Variants in HERC2 observed in about 807,000 individuals in gnomAD.
HERC2 encodes the protein HECT and RLD domain containing E3 ubiquitin protein ligase 2.
HERC2 carries 102 observed loss-of-function variants against 537.7 expected under a neutral mutation model. The ratio of observed to expected loss-of-function variants is 0.19; its 90% CI spans 0.16 to 0.22. HERC2 has a LOEUF of 0.22. HERC2 is among the 10% of genes least tolerant of loss of function. The pLI, the probability that HERC2 is intolerant of heterozygous loss-of-function variation, is 1.00. For synonymous variants in HERC2, 2,224 were observed against 2,466.2 expected, an observed-to-expected ratio of 0.90 and a Z score of 2.91; for missense variants, 4,236 against 6,198.2, an observed-to-expected ratio of 0.68 and a Z score of 10.63.
At position 28,272,237 on chromosome 15, in the gene HERC2, G is replaced by A. The variant is rs773922537; in HGVS notation, c.1061C>T (p.Pro354Leu). The change falls in exon 9 of 93, where the codon CCC (proline) becomes CTC (leucine). Residue 354 changes from proline to leucine, a missense_variant. This residue lies in a region of HERC2 where 491 missense variants were observed against 559.3 expected (regional missense o/e 0.88). Coordinates refer to ENST00000261609, the MANE Select transcript of HERC2 (RefSeq NM_004667.6). Reference sequence around the variant, plus strand: ...CACGTGCATGTCGCCCTCGGAGTGGGGTGCATCCTTCCTGCAAATGATGCT... The same window carrying A: ...CACGTGCATGTCGCCCTCGGAGTGGAGTGCATCCTTCCTGCAAATGATGCT... ...FQSIICRKDA[P>L]HSEGDMHLLS... 17 of 1,608,944 alleles carry A rather than the reference G, an allele frequency of 1.1e-5. No homozygotes were observed. The South Asian group carries it at 1.8e-4, about 17-fold the overall frequency.
At chr15:28,136,537 G>C (rs1402849273) in intron 78 of HERC2, among the ~76,000 whole-genome samples, 2 of 152,206 alleles carry the variant, frequency 1.3e-5, no homozygotes, top group East Asian at 1.9e-4. Context: ...TGAATAAGAA[G>C]AACACCACAG....
At chr15:28,186,963 T>C (rs1398565259) in intron 55 of HERC2, among the ~76,000 whole-genome samples, 3 of 152,212 alleles carry the variant, frequency 2.0e-5, no homozygotes, top group East Asian at 1.9e-4. Flanking sequence ...CATCAAGATG[T>C]CTACCTGAGG....
Position 28,177,251 on chromosome 15 carries a change from TA to T in HERC2, c.9255-125del, listed in dbSNP as rs2140158094. The T allele has an allele frequency of 7.9e-7, 1 of 1,265,044 alleles. No homozygotes were observed. The highest frequency in any genetic ancestry group is 1.5e-5 in the African/African-American group (1 of 67,242). 78.4% of individuals were successfully genotyped at this position (1,265,044 alleles called of 1,614,324 possible). ...GATCCACAGATCAACTATCAAAACT[TA>T]AAGCAGAACCGGTGAGACCAAAACA... On this transcript the variant is annotated intron_variant, in intron 60 of 92. Transcript: ENST00000261609. This position sits in a 1 kb window ranked among gnomAD's most constrained non-coding sequence, Gnocchi z 5.0.
chr15:28,298,136 AT>A (rs1286235857), intron 3 of HERC2, among the ~76,000 whole-genome samples: 2 of 150,748 alleles, frequency 1.3e-5, no homozygotes, highest in African/African-American at 4.9e-5. Flanking sequence ...ACTTTTTCCC[AT>A]GGTTTGTTTT....
chr15:28,132,020 CTG>C (rs2142163665), intron 81 of HERC2, 78 bp downstream of exon 81: 3 of 1,237,258 alleles, frequency 2.4e-6, no homozygotes, highest in East Asian at 2.7e-5. Flanking sequence ...GGCTCTGAGG[CTG>C]TGTTTTCCCA....
At chr15:28,240,252 A>G (rs1221475593) in intron 23 of HERC2, among the ~76,000 whole-genome samples, 1 of 152,144 alleles carries the variant, frequency 6.6e-6, no homozygotes, top group Non-Finnish European at 1.5e-5. Context: ...CCCCATCTCT[A>G]CTAAAAATAC....
intron 3 of HERC2, among the ~76,000 whole-genome samples, chr15:28,295,953 G>C (rs2076457883): frequency 6.6e-6 from 1 of 151,730 alleles, no homozygotes; most frequent in Admixed American, 6.6e-5. Context: ...ACAGAAAGTA[G>C]GCCACCCCCA....
At chr15:28,247,619 G>A (rs1180339718) in intron 21 of HERC2, among the ~76,000 whole-genome samples, 6 of 151,712 alleles carry the variant, frequency 4.0e-5, no homozygotes, top group Non-Finnish European at 5.9e-5. Context: ...TAGTAGAGAC[G>A]GGGTTTCACT....
chr15:28,154,205 CATT>C (rs1892751488), intron 69 of HERC2, among the ~76,000 whole-genome samples: 1 of 152,182 alleles, frequency 6.6e-6, no homozygotes, highest in East Asian at 1.9e-4. Flanking sequence ...TTCTAATGCC[CATT>C]CTATACTTTT....
At chr15:28,139,463 G>A (rs1327902516) in intron 78 of HERC2, among the ~76,000 whole-genome samples, 2 of 152,230 alleles carry the variant, frequency 1.3e-5, no homozygotes, top group Non-Finnish European at 2.9e-5. Context: ...AAAGTTCCAT[G>A]AGGGACTGAA....
At chr15:28,197,525 A>T (rs1200000866) in intron 50 of HERC2, among the ~76,000 whole-genome samples, 1 of 152,154 alleles carries the variant, frequency 6.6e-6, no homozygotes. Flanking sequence ...AGGCTGAGGC[A>T]GGCGGATCAA....
At chr15:28,246,415 A>G (rs1404962242) in intron 22 of HERC2, among the ~76,000 whole-genome samples, 8 of 152,188 alleles carry the variant, frequency 5.3e-5, no homozygotes, top group Admixed American at 3.3e-4. Context: ...AGGTAATATC[A>G]GAATTTTTAA....
At position 28,169,651 on chromosome 15, in the gene HERC2, C is replaced by T. The variant is rs1450201850; in HGVS notation, c.10062G>A (p.Val3354=). ...CAGCAGAAGAATCAGCATCTGAAGG[C>T]ACGCCTATAAGAGGAAAATAAAATT... The part of the protein sequence containing the change: ...RDPLGASYLG[V]PSDADSSAAS... The change falls in exon 66 of 93, where the codon GTG becomes GTA. Residue 3354 remains valine, a synonymous_variant. Coordinates refer to ENST00000261609, the MANE Select transcript of HERC2 (RefSeq NM_004667.6). 4.3e-6 allele frequency: 7 copies of T among 1,610,286 alleles called. No homozygotes were observed. Among genetic ancestry groups the T allele is most frequent in the African/African-American group, 1.3e-5 (1 of 74,748 alleles).
At position 28,168,469 on chromosome 15, in the gene HERC2, A is replaced by G; in HGVS notation, c.10351T>C (p.Cys3451Arg). Residue 3451 changes from cysteine to arginine, a missense_variant, in exon 67 of 93, where the codon TGC (cysteine) becomes CGC (arginine). This residue lies in a region of HERC2 where 356 missense variants were observed against 450.9 expected (regional missense o/e 0.79). Transcript: ENST00000261609. Reference protein sequence around the residue: ...AMASPMNGEECMLAVDIEDRL... With the variant: ...AMASPMNGEERMLAVDIEDRL... ...TCTTCGATATCAACAGCCAGCATGC[A>G]TTCTTCTCCATTCATGGGACTAGCC... is the stretch of plus-strand genomic sequence containing the variant. 1 of 1,614,192 alleles carries G rather than the reference A, an allele frequency of 6.2e-7. No homozygotes were observed. The highest frequency in any genetic ancestry group is 8.5e-7 in the Non-Finnish European group (1 of 1,180,038).
chr15:28,240,361 T>G (rs1902969332), intron 23 of HERC2, among the ~76,000 whole-genome samples: 2 of 152,096 alleles, frequency 1.3e-5, no homozygotes, highest in Non-Finnish European at 2.9e-5. Context: ...GAGCTTGCAG[T>G]GAGCTGAGAT....
At chr15:28,250,097 C>T (rs1463215682) in intron 20 of HERC2, among the ~76,000 whole-genome samples, 10 of 147,552 alleles carry the variant, frequency 6.8e-5, no homozygotes, top group Non-Finnish European at 1.5e-4. Flanking sequence ...GCTCTCTGCA[C>T]AACACCAAGA....
rs1370758129 is a variant in HERC2 at position 28,137,418 on chromosome 15, TAC to T, written c.12016-1728_12016-1727del. On this transcript the variant is annotated intron_variant, in intron 78 of 92. Transcript: ENST00000261609. ...ATAAACTGAAGGTCTGTGGCAACCC[TAC>T]ACTGATCAAGTCTATCGGCGCCATT... Among the ~76,000 whole-genome samples, 4 of 152,342 alleles carry T rather than the reference TAC, an allele frequency of 2.6e-5. No homozygotes were observed. In the East Asian group the frequency reaches 7.7e-4, roughly 29 times the overall value.
chr15:28,311,072 A>G (rs2076929802), intron 2 of HERC2, among the ~76,000 whole-genome samples: 1 of 72,514 alleles, frequency 1.4e-5, no homozygotes, highest in Non-Finnish European at 3.0e-5. Flanking sequence ...GTGGGACTGC[A>G]TCTCAAAAAA....
intron 86 of HERC2, among the ~76,000 whole-genome samples, chr15:28,120,660 A>G (rs921493382): frequency 6.6e-6 from 1 of 152,242 alleles, no homozygotes; most frequent in African/African-American, 2.4e-5. Context: ...GGCAAAGAAA[A>G]CTACCAGTGG....
Sources: allele counts gnomAD v4.1 joint callset (sites outside exome capture counted in the v4.1 genomes callset), GRCh38; gene constraint gnomAD v4.1.1; regional missense constraint gnomAD v4.1.1; non-coding constraint Gnocchi (gnomAD v3.1); transcripts MANE v1.5; gene names NCBI Gene and HGNC (gene_info 2026-07-23, HGNC 2026-07-21).